Variants in DAAM1 observed in about 807,000 individuals in gnomAD.
DAAM1 encodes dishevelled associated activator of morphogenesis 1, also known as disheveled-associated activator of morphogenesis 1.
In DAAM1, 52 loss-of-function variants were observed where a neutral mutation model predicts 130.0. The ratio of observed to expected loss-of-function variants is 0.40; its 90% CI spans 0.32 to 0.50. DAAM1 has a LOEUF of 0.50. DAAM1 is among the 20% of genes least tolerant of loss of function. The pLI is 0.61. For missense variants in DAAM1, 1,134 were observed against 1,303.8 expected (o/e 0.87, Z 2.01); for synonymous variants, 452 against 444.5 (o/e 1.02, Z -0.21).
intron 5 of DAAM1, 21 bp downstream of exon 5, chr14:59,320,605 A>T: frequency 1.3e-6 from 2 of 1,494,932 alleles, no homozygotes; most frequent in Admixed American, 2.4e-5. Flanking sequence ...CCTGGATGGC[A>T]TGTTTTTTTT....
At chr14:59,305,476 T>A (rs1207049092) in intron 3 of DAAM1, among the ~76,000 whole-genome samples, 1 of 152,214 alleles carries the variant, frequency 6.6e-6, no homozygotes, top group Non-Finnish European at 1.5e-5. Flanking sequence ...GCCAAAATAA[T>A]GACTTGTTAA....
At chr14:59,262,996 T>A (rs1379238894) in intron 1 of DAAM1, among the ~76,000 whole-genome samples, 1 of 152,216 alleles carries the variant, frequency 6.6e-6, no homozygotes, top group Non-Finnish European at 1.5e-5. Context: ...AGCATATATG[T>A]TATTCTATTT....
At chr14:59,327,551 G>A (rs1885261807) in intron 12 of DAAM1, among the ~76,000 whole-genome samples, 1 of 151,854 alleles carries the variant, frequency 6.6e-6, no homozygotes, top group East Asian at 1.9e-4. Flanking sequence ...GGGACTACCG[G>A]CGCCCGCCAT....
chr14:59,309,410 G>A (rs1884492644), intron 3 of DAAM1, among the ~76,000 whole-genome samples: 1 of 152,190 alleles, frequency 6.6e-6, no homozygotes, highest in Non-Finnish European at 1.5e-5. Context: ...TTAATTTATA[G>A]CGGCAGCTTG....
chr14:59,227,561 G>A (rs1012948324), intron 1 of DAAM1, among the ~76,000 whole-genome samples: 1 of 152,286 alleles, frequency 6.6e-6, no homozygotes, highest in South Asian at 2.1e-4. Flanking sequence ...AAAATATGCA[G>A]AAAAATGGGA....
At chr14:59,336,264 A>G (rs1328923862) in intron 15 of DAAM1, among the ~76,000 whole-genome samples, 1 of 152,196 alleles carries the variant, frequency 6.6e-6, no homozygotes, top group Non-Finnish European at 1.5e-5. Context: ...CACTATCAGC[A>G]CTGCTTCCTG....
chr14:59,322,787 C>A (rs1168734853), intron 5 of DAAM1, 105 bp from the exon 6 acceptor site: 3 of 931,578 alleles, frequency 3.2e-6, no homozygotes, highest in Non-Finnish European at 4.9e-6. Context: ...CCTTTTGGCA[C>A]TTTAGGAACT....
chr14:59,326,825 C>T (rs1052778677), intron 11 of DAAM1, 108 bp from the exon 12 acceptor site: 1 of 1,525,160 alleles, frequency 6.6e-7, no homozygotes, highest in Admixed American at 1.8e-5. Context: ...TTCAAGCATG[C>T]ACTGAGGATT....
At chr14:59,347,752 T>G in intron 17 of DAAM1, 129 bp downstream of exon 17, 1 of 812,298 alleles carries the variant, frequency 1.2e-6, no homozygotes, top group Non-Finnish European at 2.0e-6. Context: ...CTGAACCAAG[T>G]TCCCATGTGA....
At chr14:59,278,156 G>A (rs1245509823) in intron 2 of DAAM1, among the ~76,000 whole-genome samples, 3 of 152,088 alleles carry the variant, frequency 2.0e-5, no homozygotes, top group Non-Finnish European at 4.4e-5. Context: ...CCTTCTTTTG[G>A]TGATGATGTG....
intron 1 of DAAM1, among the ~76,000 whole-genome samples, chr14:59,223,116 G>A (rs547099082): frequency 7.2e-5 from 11 of 152,366 alleles, no homozygotes; most frequent in Non-Finnish European, 1.5e-4. Context: ...GAGGCCATAG[G>A]TGCAGGCTGG....
intron 22 of DAAM1, 148 bp downstream of exon 22, chr14:59,361,010 C>A: frequency 3.1e-6 from 2 of 654,312 alleles, no homozygotes; most frequent in Non-Finnish European, 2.4e-6. Flanking sequence ...CCACAAGAAG[C>A]AAAGGCAGGT....
chr14:59,282,771 G>T (rs1238753708), intron 2 of DAAM1, among the ~76,000 whole-genome samples: 2 of 152,048 alleles, frequency 1.3e-5, no homozygotes, highest in Admixed American at 6.6e-5. Context: ...TTGTTGTAAG[G>T]ATACACTATA....
chr14:59,302,108 G>A (rs1405792705), intron 3 of DAAM1, among the ~76,000 whole-genome samples: 1 of 152,128 alleles, frequency 6.6e-6, no homozygotes, highest in Non-Finnish European at 1.5e-5. Flanking sequence ...TAGATATACT[G>A]CAAATATTCC....
Position 59,331,309 on chromosome 14 carries a change from C to T in DAAM1, c.1661C>T (p.Pro554Leu). The T allele has an allele frequency of 2.5e-6, 4 of 1,612,328 alleles. No homozygotes were observed. The highest frequency in any genetic ancestry group is 3.4e-6 in the Non-Finnish European group (4 of 1,179,818). The change falls in exon 14 of 25, where the codon CCC (proline) becomes CTC (leucine). Residue 554 changes from proline to leucine, a missense_variant. Coordinates refer to ENST00000360909, the MANE Select transcript of DAAM1 (RefSeq NM_001270520.2). ...VPGSLLPPPPPPPLPGGMLPP... is the reference protein window; with the variant it reads ...VPGSLLPPPPLPPLPGGMLPP... ...GGATCTCTCCTTCCTCCCCCACCAC[C>T]CCCACCTCTACCAGGTGGGATGCTT...
chr14:59,299,240 A>T (rs1044224617), intron 3 of DAAM1, among the ~76,000 whole-genome samples: 1 of 152,244 alleles, frequency 6.6e-6, no homozygotes, highest in African/African-American at 2.4e-5. Flanking sequence ...ATAGAAGCCA[A>T]ATAAATACTT....
In DAAM1 at chr14:59,256,028, C is replaced by A. The variant is rs148698868; in HGVS notation, c.-37-7413C>A. Among the ~76,000 whole-genome samples, 67 of 147,588 alleles carry A rather than the reference C, an allele frequency of 4.5e-4. 2 individuals carry two copies. In the East Asian group the frequency reaches 0.012, roughly 27 times the overall value. ...CTAAACCCCTCTAGCTAGAGGAAAACCTTGGCAATTGGATTCCTCAGTCTG... is the reference window on the plus strand; with the variant it reads ...CTAAACCCCTCTAGCTAGAGGAAAAACTTGGCAATTGGATTCCTCAGTCTG... On this transcript the variant is annotated intron_variant, in intron 1 of 24. Transcript: ENST00000360909.
At chr14:59,267,417 G>A (rs1012174502) in intron 2 of DAAM1, among the ~76,000 whole-genome samples, 4 of 152,086 alleles carry the variant, frequency 2.6e-5, no homozygotes, top group East Asian at 1.9e-4. Context: ...GCTCCCTGCT[G>A]TAGGCAGGGG....
chr14:59,210,981 A>G (rs1888409489), intron 1 of DAAM1, among the ~76,000 whole-genome samples: 1 of 151,448 alleles, frequency 6.6e-6, no homozygotes, highest in Admixed American at 6.6e-5. Flanking sequence ...TGTCTAAAAT[A>G]TTTGCAGCAT....
Sources: allele counts gnomAD v4.1 joint callset (sites outside exome capture counted in the v4.1 genomes callset), GRCh38; gene constraint gnomAD v4.1.1; transcripts MANE v1.5; gene names NCBI Gene and HGNC (gene_info 2026-07-23, HGNC 2026-07-21).